COL22A1: variants seen among roughly 807,000 people sequenced by gnomAD.
COL22A1 encodes collagen type XXII alpha 1 chain, also known as collagen alpha-1(XXII) chain.
COL22A1 carries 221 observed loss-of-function variants against 248.9 expected under a neutral mutation model. The ratio of observed to expected loss-of-function variants is 0.89; its 90% CI spans 0.80 to 0.99. The LOEUF (loss-of-function observed/expected upper bound fraction) is 0.99, where lower values mean the gene tolerates loss of function less well. Among genes scored for constraint, COL22A1 ranks in the 50% least tolerant of loss-of-function variants. COL22A1 has a pLI of 0.00. For missense variants in COL22A1, 2,240 were observed against 2,179.0 expected (o/e 1.03, Z -0.56); for synonymous variants, 891 against 793.4 (o/e 1.12, Z -2.07).
intron 23 of COL22A1, among the ~76,000 whole-genome samples, chr8:138,726,674 G>A (rs1006056567): frequency 6.6e-6 from 1 of 152,126 alleles, no homozygotes; most frequent in Non-Finnish European, 1.5e-5. Flanking sequence ...AAGAAAGCCC[G>A]AGAAATAAAC....
intron 43 of COL22A1, among the ~76,000 whole-genome samples, chr8:138,661,624 G>A (rs1823966247): frequency 6.6e-6 from 1 of 152,170 alleles, no homozygotes; most frequent in African/African-American, 2.4e-5. Context: ...TCCTCACAAT[G>A]AGCATGACAT....
chr8:138,673,514 C>T (rs996299610), intron 41 of COL22A1, among the ~76,000 whole-genome samples: 10 of 152,010 alleles, frequency 6.6e-5, no homozygotes, highest in Admixed American at 2.0e-4. Flanking sequence ...CGGCCCCAGC[C>T]GGATCTATCC....
intron 41 of COL22A1, among the ~76,000 whole-genome samples, chr8:138,670,222 T>C (rs915251228): frequency 6.6e-6 from 1 of 152,188 alleles, no homozygotes; most frequent in African/African-American, 2.4e-5. Context: ...CTCCTGGTTA[T>C]ACGTGGCTCA....
At chr8:138,812,013 A>AG (rs1818280139) in intron 8 of COL22A1, 92 bp from the exon 9 acceptor site, 1 of 1,392,818 alleles carries the variant, frequency 7.2e-7, no homozygotes, top group African/African-American at 1.5e-5. Context: ...CCTCAGAACC[A>AG]GGCAGCCAAA....
At chr8:138,675,487 T>G (rs2130796612) in intron 41 of COL22A1, among the ~76,000 whole-genome samples, 1 of 152,336 alleles carries the variant, frequency 6.6e-6, no homozygotes, top group East Asian at 1.9e-4. Flanking sequence ...TTAATAAAGA[T>G]AAAGTTAGAT....
At chr8:138,736,823 C>T (rs1831149041) in intron 23 of COL22A1, among the ~76,000 whole-genome samples, 1 of 152,106 alleles carries the variant, frequency 6.6e-6, no homozygotes, top group Admixed American at 6.5e-5. Context: ...GGCCCTAACC[C>T]CATCATTTTA....
chr8:138,883,366 ATTCAACTC>A (rs1824392148), intron 1 of COL22A1, 122 bp from the exon 2 acceptor site: 1 of 596,376 alleles, frequency 1.7e-6, no homozygotes, highest in Admixed American at 3.0e-5. Context: ...TCCCTCCCGG[ATTCAACTC>A]CAGGCAGCGA....
intron 30 of COL22A1, among the ~76,000 whole-genome samples, chr8:138,715,031 C>A (rs77951297): frequency 2.0e-5 from 3 of 152,004 alleles, no homozygotes; most frequent in Non-Finnish European, 4.4e-5. Context: ...CGTAAACAGG[C>A]GACACAGAGC....
chr8:138,675,739 A>G (rs1338535795), intron 41 of COL22A1, among the ~76,000 whole-genome samples: 1 of 152,208 alleles, frequency 6.6e-6, no homozygotes, highest in Non-Finnish European at 1.5e-5. Context: ...CCCAAAAACT[A>G]TCATTCAGTA....
At chr8:138,786,519 TAAC>T (rs1389310145) in intron 12 of COL22A1, among the ~76,000 whole-genome samples, 1 of 152,208 alleles carries the variant, frequency 6.6e-6, no homozygotes, top group Non-Finnish European at 1.5e-5. Flanking sequence ...CACTGATTCT[TAAC>T]ATTATAAAAC....
intron 49 of COL22A1, among the ~76,000 whole-genome samples, chr8:138,634,400 A>G (rs1820973927): frequency 6.6e-6 from 1 of 152,064 alleles, no homozygotes; most frequent in Admixed American, 6.6e-5. Flanking sequence ...TGGCAGGAAC[A>G]CTAATTTCCA....
At position 138,877,775 on chromosome 8, in the gene COL22A1, GC is replaced by G; in HGVS notation, c.632del (p.Gly211AlafsTer18). ...SDFNAIDKIRGKLRRRLCENV... is the reference protein window; with the variant it reads ...SDFNAIDKIRXKLRRRLCENV... ...TTTCACAAAGACGGCGCCGCAGCTT[GC>G]CCCGGATCTTGTCGATGGCATTGAA... On this transcript the variant is annotated frameshift_variant, in exon 3 of 65. Coordinates refer to ENST00000303045, the MANE Select transcript of COL22A1 (RefSeq NM_152888.3). LOFTEE classifies it high-confidence loss of function. 1 of 1,598,544 alleles carries G rather than the reference GC, an allele frequency of 6.3e-7. No individual in the cohort carries two copies. Among genetic ancestry groups the G allele is most frequent in the Non-Finnish European group, 8.5e-7 (1 of 1,171,776 alleles).
rs564758406 is a variant in COL22A1 at position 138,878,156 on chromosome 8, G to T, written c.252C>A (p.Asp84Glu). 31 of 1,605,454 alleles carry T rather than the reference G, an allele frequency of 1.9e-5. No individual in the cohort carries two copies. The highest frequency in any genetic ancestry group is 6.8e-5 in the Admixed American group (4 of 58,916). The change falls in exon 3 of 65, where the codon GAC becomes GAA. Residue 84 changes from aspartate to glutamate, a missense_variant. Physicochemically the swap from Asp to Glu is conservative, Grantham distance 45. Coordinates refer to ENST00000303045, the MANE Select transcript of COL22A1 (RefSeq NM_152888.3). ...CCAACTCGAAGGCCGTGGTGGGCCG[G>T]TCGCTGTAGCGCACGACCCCCACAC... is the stretch of plus-strand genomic sequence containing the variant. ...RTRVGVVRYS[D>E]RPTTAFELGL...
intron 16 of COL22A1, among the ~76,000 whole-genome samples, chr8:138,765,549 C>T (rs2131418016): frequency 6.6e-6 from 1 of 152,366 alleles, no homozygotes; most frequent in African/African-American, 2.4e-5. Context: ...GCCTGAGTGA[C>T]TCAGTGAGTT....
At chr8:138,829,422 T>C (rs1457853987) in intron 5 of COL22A1, among the ~76,000 whole-genome samples, 1 of 147,642 alleles carries the variant, frequency 6.8e-6, no homozygotes, top group Admixed American at 6.8e-5. Context: ...TTTTTTTTTT[T>C]TTGAGACAGA....
intron 12 of COL22A1, among the ~76,000 whole-genome samples, chr8:138,782,896 A>C (rs374309469): frequency 1.3e-5 from 2 of 152,168 alleles, no homozygotes; most frequent in Admixed American, 1.3e-4. Flanking sequence ...TGCTGTGTGC[A>C]CCATAAGCCT....
chr8:138,724,893 T>C (rs1043601111), intron 24 of COL22A1, among the ~76,000 whole-genome samples: 1 of 152,314 alleles, frequency 6.6e-6, no homozygotes, highest in Admixed American at 6.5e-5. Context: ...TCCTATCCAA[T>C]GCCACCTGCC....
At chr8:138,858,544 G>A (rs1822217180) in intron 3 of COL22A1, among the ~76,000 whole-genome samples, 1 of 151,948 alleles carries the variant, frequency 6.6e-6, no homozygotes, top group South Asian at 2.1e-4. Flanking sequence ...ACCACATCCA[G>A]CTTTCCCCTG....
chr8:138,902,394 A>G (rs7007907), intron 1 of COL22A1, among the ~76,000 whole-genome samples: 52,357 of 152,070 alleles, frequency 0.34, 11,051 homozygotes, highest in Non-Finnish European at 0.47. Flanking sequence ...GTAGGCCTGC[A>G]CTTTTATACT....
Sources: allele counts gnomAD v4.1 joint callset (sites outside exome capture counted in the v4.1 genomes callset), GRCh38; gene constraint gnomAD v4.1.1; transcripts MANE v1.5; gene names NCBI Gene and HGNC (gene_info 2026-07-23, HGNC 2026-07-21).